The following UPRT variants were observed in gnomAD, a reference collection of about 807,000 sequenced individuals.
UPRT encodes RP11-311P8.3.
UPRT carries 5 observed loss-of-function variants against 22.6 expected under a neutral mutation model. The observed-to-expected ratio is 0.22, with a 90% CI of 0.12 to 0.47. The LOEUF (loss-of-function observed/expected upper bound fraction) is 0.47. UPRT is among the 20% of genes least tolerant of loss of function. UPRT has a pLI of 0.99. For synonymous variants in UPRT, 77 were observed against 87.7 expected (o/e 0.88, Z 0.68); for missense variants, 181 against 239.9 (o/e 0.75, Z 1.62).
At chrX:75,288,559 T>G (rs2082691942) in intron 1 of UPRT, among the ~76,000 whole-genome samples, 1 of 112,146 alleles carries the variant, frequency 8.9e-6, no homozygotes, top group Non-Finnish European at 1.9e-5. Flanking sequence ...ATTCAACACA[T>G]AAAAAGAATT....
chrX:75,257,991 G>A (rs2082554583), intron 4 of UPRT, among the ~76,000 whole-genome samples: 2 of 110,057 alleles, frequency 1.8e-5, no homozygotes, highest in Admixed American at 1.9e-4. Flanking sequence ...ATTGGTCAGG[G>A]AATTCTCTCC....
At chrX:75,290,915 A>T (rs1178782359) in intron 1 of UPRT, among the ~76,000 whole-genome samples, 1 of 111,394 alleles carries the variant, frequency 9.0e-6, no homozygotes, top group African/African-American at 3.3e-5. Flanking sequence ...AGACCCAGGT[A>T]AAAAACCTGC....
Position 75,297,518 on chromosome X carries a change from A to G in UPRT, c.527A>G (p.Glu176Gly). The G allele has an allele frequency of 8.3e-7, 1 of 1,211,783 alleles. No homozygotes were observed. The change falls in exon 4 of 7, where the codon GAG becomes GGG. Residue 176 changes from glutamate (E) to glycine (G), a missense_variant. By Grantham distance (98) the Glu-to-Gly change is moderately conservative. This residue lies in a region of UPRT where 70 missense variants were observed against 137.0 expected (regional missense o/e 0.51). Transcript: ENST00000373383. ...TACAAGTATGAAGGAGTGAAATTTG[A>G]GAAGGGAAATTGTGGGGTCAGCATA... Reference protein sequence around the residue: ...TGYKYEGVKFEKGNCGVSIMR... With the variant: ...TGYKYEGVKFGKGNCGVSIMR...
rs1364688306 is a variant in UPRT at position 75,204,982 on chromosome X, C to A, written c.-447+37103C>A. Among the ~76,000 whole-genome samples the A allele has an allele frequency of 2.7e-5, 3 of 110,882 alleles. No homozygotes were observed. In the East Asian group the frequency reaches 8.6e-4, roughly 32 times the overall value. ...TAGGAGTGAAATTTTGGAAGGTGTC[C>A]TGCAGCCATAGATCCTGGATTAATG... On this transcript the variant is annotated intron_variant, in intron 4 of 13. Coordinates refer to the UPRT transcript ENST00000652605.
intron 4 of UPRT, among the ~76,000 whole-genome samples, chrX:75,236,116 C>A (rs1386881509): frequency 1.8e-5 from 2 of 111,299 alleles, no homozygotes; most frequent in Non-Finnish European, 3.8e-5. Flanking sequence ...GATACAAAAT[C>A]AATGTACAAA....
chrX:75,207,925 G>C (rs192517836), intron 4 of UPRT, among the ~76,000 whole-genome samples: 2 of 111,556 alleles, frequency 1.8e-5, no homozygotes, highest in Non-Finnish European at 3.8e-5. Context: ...TCAGTACTGG[G>C]ACCATTTTAG....
In UPRT at chrX:75,195,105, C is replaced by T. The variant is rs998165373; in HGVS notation, c.-447+27226C>T. On this transcript the variant is annotated intron_variant, in intron 4 of 13. Transcript: ENST00000652605. The stretch of plus-strand genomic sequence containing the variant: ...CCAGCTAAGCAGTGTAGGAGGTGGC[C>T]GTGGGCAAGTGTGTGTAGGTAAAGT... Among the ~76,000 whole-genome samples the T allele has an allele frequency of 1.2e-4, 13 of 110,711 alleles. No individual in the cohort carries two copies. The East Asian group carries it at 1.4e-3, about 12-fold the overall frequency.
chrX:75,184,814 G>T (rs1279538221), intron 4 of UPRT, among the ~76,000 whole-genome samples: 2 of 110,988 alleles, frequency 1.8e-5, no homozygotes, highest in Non-Finnish European at 3.8e-5. Context: ...CTCATGATTT[G>T]GCTCTCTGTC....
intron 4 of UPRT, among the ~76,000 whole-genome samples, chrX:75,171,391 T>A (rs1201211701): frequency 8.9e-6 from 1 of 112,012 alleles, no homozygotes; most frequent in Non-Finnish European, 1.9e-5. Flanking sequence ...ACATTTTGCA[T>A]TTTGCTAAAT....
At chrX:75,207,177 G>T (rs1484098482) in intron 4 of UPRT, among the ~76,000 whole-genome samples, 1 of 112,028 alleles carries the variant, frequency 8.9e-6, no homozygotes, top group African/African-American at 3.2e-5. Flanking sequence ...TCAGATTAAG[G>T]TGTGAGAGTG....
intron 4 of UPRT, among the ~76,000 whole-genome samples, chrX:75,198,174 G>C (rs2082338082): frequency 8.9e-6 from 1 of 112,640 alleles, no homozygotes; most frequent in African/African-American, 3.2e-5. Flanking sequence ...AGAAGGGACT[G>C]AATTACTGAT....
intron 4 of UPRT, among the ~76,000 whole-genome samples, chrX:75,217,916 T>C (rs1433516671): frequency 4.5e-5 from 5 of 111,494 alleles, no homozygotes; most frequent in African/African-American, 1.3e-4. Context: ...AAACGTTAGA[T>C]CTAAAACCAT....
At chrX:75,202,255 TTTA>T (rs1196385716) in intron 4 of UPRT, among the ~76,000 whole-genome samples, 1 of 111,087 alleles carries the variant, frequency 9.0e-6, no homozygotes, top group Non-Finnish European at 1.9e-5. Context: ...CTAAGATTCT[TTTA>T]TTATTATAAG....
chrX:75,188,788 A>T (rs2082304432), intron 4 of UPRT, among the ~76,000 whole-genome samples: 1 of 112,060 alleles, frequency 8.9e-6, no homozygotes, highest in Non-Finnish European at 1.9e-5. Flanking sequence ...CCGATCTTCC[A>T]GGTGCCGTCT....
chrX:75,210,357 ATAAG>A (rs899510854), intron 4 of UPRT, among the ~76,000 whole-genome samples: 2 of 111,150 alleles, frequency 1.8e-5, no homozygotes, highest in African/African-American at 6.6e-5. Flanking sequence ...AGGTAAGGTT[ATAAG>A]ATTGAGTGAC....
chrX:75,236,347 G>T (rs921217284), intron 4 of UPRT, among the ~76,000 whole-genome samples: 1 of 111,435 alleles, frequency 9.0e-6, no homozygotes, highest in African/African-American at 3.3e-5. Flanking sequence ...TAGGAAGAAT[G>T]AATATTGTGA....
chrX:75,159,869 C>T (rs940607850), intron 1 of UPRT, among the ~76,000 whole-genome samples: 5 of 105,024 alleles, frequency 4.8e-5, no homozygotes. Flanking sequence ...TTTCGCCTCC[C>T]GGGTTCAAGC....
At chrX:75,226,296 T>A (rs1165570975) in intron 4 of UPRT, among the ~76,000 whole-genome samples, 1 of 111,790 alleles carries the variant, frequency 8.9e-6, no homozygotes. Flanking sequence ...GTGCCTACCC[T>A]TAAGATGTGT....
intron 4 of UPRT, among the ~76,000 whole-genome samples, chrX:75,169,134 A>T (rs1377547031): frequency 8.9e-6 from 1 of 112,189 alleles, no homozygotes; most frequent in Non-Finnish European, 1.9e-5. Context: ...GTTGAGTAGT[A>T]TTCCACAGTG....
Sources: gnomAD v4.1 joint callset for allele counts (sites outside exome capture counted in the v4.1 genomes callset) on GRCh38, gnomAD v4.1.1 for gene constraint, gnomAD v4.1.1 regional missense constraint, MANE v1.5 for transcripts, NCBI Gene and HGNC (gene_info 2026-07-23, HGNC 2026-07-21) for gene names.